CDH13: variants seen among roughly 807,000 people sequenced by gnomAD.
CDH13 encodes the protein cadherin-13.
In CDH13, 24 loss-of-function variants were observed where a neutral mutation model predicts 63.8. The ratio of observed to expected loss-of-function variants is 0.38; its 90% CI spans 0.27 to 0.53. The LOEUF (loss-of-function observed/expected upper bound fraction) is 0.53, where lower values mean the gene tolerates loss of function less well. CDH13 is among the 20% of genes least tolerant of loss of function. The probability of loss-of-function intolerance (pLI) is 0.85; values close to 1 mark genes in which losing one functional copy is unlikely to be tolerated. For synonymous variants in CDH13, 503 were observed against 355.3 expected (o/e 1.42, Z -4.67); for missense variants, 1,049 against 903.1 (o/e 1.16, Z -2.07).
At position 83,034,954 on chromosome 16, in the gene CDH13, G is replaced by A. The variant is rs181763504; in HGVS notation, c.366+2736G>A. ...GTTTTTGCTTCTTATAAAGGGGGCG[G>A]AGGCTGCCGTGTCCTTCAGTTTGCC... On this transcript the variant is annotated intron_variant, in intron 3 of 13. Transcript: ENST00000567109. Among the ~76,000 whole-genome samples, 19 of 152,248 alleles carry A rather than the reference G, an allele frequency of 1.2e-4. No individual in the cohort carries two copies. The East Asian group carries it at 3.5e-3, about 28-fold the overall frequency.
intron 1 of CDH13, among the ~76,000 whole-genome samples, chr16:82,724,135 A>G (rs973067521): frequency 6.6e-6 from 1 of 152,142 alleles, no homozygotes; most frequent in Non-Finnish European, 1.5e-5. Flanking sequence ...TGTGCAGGGT[A>G]AAGAGGTTTT....
intron 6 of CDH13, among the ~76,000 whole-genome samples, chr16:83,358,769 C>T (rs979384600): frequency 2.0e-5 from 3 of 152,082 alleles, no homozygotes; most frequent in African/African-American, 4.8e-5. Context: ...CAAAAATGGT[C>T]TTTGTCTCCT....
chr16:83,032,109 A>G lies in CDH13; in HGVS notation c.257A>G (p.Asn86Ser). The G allele has an allele frequency of 1.2e-6, 2 of 1,613,416 alleles. No homozygotes were observed. The highest frequency in any genetic ancestry group is 1.7e-6 in the Non-Finnish European group (2 of 1,179,706). ...NSDGGLVALR[N>S]ITAVGKTLFV... is the part of the protein sequence containing the mutation. Reference sequence around the variant, plus strand: ...GATGGCGGCTTAGTTGCTCTGAGAAACATAACTGCAGTGGGCAAAACTCTG... The same window carrying G: ...GATGGCGGCTTAGTTGCTCTGAGAAGCATAACTGCAGTGGGCAAAACTCTG... The change falls in exon 3 of 14, where the codon AAC (asparagine) becomes AGC (serine). Residue 86 changes from asparagine to serine, a missense_variant. Physicochemically the swap from Asn to Ser is conservative, Grantham distance 46 (BLOSUM62 1). Transcript: ENST00000567109.
chr16:83,660,292 C>T (rs1913319166), intron 8 of CDH13, among the ~76,000 whole-genome samples: 1 of 152,152 alleles, frequency 6.6e-6, no homozygotes, highest in Non-Finnish European at 1.5e-5. Flanking sequence ...AGCTTGTTTT[C>T]CTGCAACTAG....
intron 3 of CDH13, among the ~76,000 whole-genome samples, chr16:83,043,349 A>G (rs1331777828): frequency 6.6e-6 from 1 of 152,194 alleles, no homozygotes; most frequent in African/African-American, 2.4e-5. Context: ...TGAAAATTCT[A>G]AATTTTATTT....
intron 2 of CDH13, among the ~76,000 whole-genome samples, chr16:83,015,558 G>A (rs917158482): frequency 6.6e-6 from 1 of 150,698 alleles, no homozygotes; most frequent in African/African-American, 2.4e-5. Context: ...CAGCATCTTA[G>A]CATTTAACTG....
chr16:83,052,816 A>C (rs1028176924), intron 3 of CDH13, among the ~76,000 whole-genome samples: 25 of 151,078 alleles, frequency 1.7e-4, no homozygotes, highest in African/African-American at 6.1e-4. Flanking sequence ...AAAGAAATTA[A>C]ACCTTAAATA....
In CDH13 at chr16:83,527,062, C is replaced by T. The variant is rs975695942; in HGVS notation, c.960+40407C>T. On this transcript the variant is annotated intron_variant, in intron 7 of 13. Transcript: ENST00000567109. ...CAGGAGATCACTTGAACCCATGAGG[C>T]GGAGGCTGCTGTAAGCCGAGATTAT... Among the ~76,000 whole-genome samples, 38 of 151,724 alleles carry T rather than the reference C, an allele frequency of 2.5e-4. No homozygotes were observed. In the Middle Eastern group the frequency reaches 0.014, roughly 55 times the overall value.
At chr16:82,950,391 G>A (rs1333029671) in intron 2 of CDH13, among the ~76,000 whole-genome samples, 5 of 152,046 alleles carry the variant, frequency 3.3e-5, no homozygotes, top group African/African-American at 1.2e-4. Context: ...ATCTTGAATT[G>A]TAGCTCCCAT....
chr16:83,482,577 T>C (rs924651535), intron 6 of CDH13, among the ~76,000 whole-genome samples: 9 of 152,216 alleles, frequency 5.9e-5, no homozygotes, highest in Non-Finnish European at 1.2e-4. Context: ...AGGAGGTTTA[T>C]CCAGCCTTTG....
intron 4 of CDH13, among the ~76,000 whole-genome samples, chr16:83,161,728 C>T (rs2037454179): frequency 6.6e-6 from 1 of 152,052 alleles, no homozygotes; most frequent in African/African-American, 2.4e-5. Context: ...CTTGTCTTAC[C>T]CATCCGTCTC....
At chr16:82,697,569 C>T (rs1407051367) in intron 1 of CDH13, among the ~76,000 whole-genome samples, 1 of 151,488 alleles carries the variant, frequency 6.6e-6, no homozygotes, top group Non-Finnish European at 1.5e-5. Flanking sequence ...GCTGGGATTA[C>T]AGGTGCCCGC....
intron 6 of CDH13, chr16:83,397,272 C>G (rs1229856801): frequency 1.3e-5 from 2 of 152,180 alleles, no homozygotes; most frequent in Non-Finnish European, 1.5e-5. Flanking sequence ...CAAACCACCA[C>G]CACCATTATA....
At chr16:83,568,270 C>T (rs971540522) in intron 7 of CDH13, among the ~76,000 whole-genome samples, 5 of 152,094 alleles carry the variant, frequency 3.3e-5, no homozygotes, top group Admixed American at 1.3e-4. Context: ...ACGAGTTTGG[C>T]CTTTAAAAAT....
intron 2 of CDH13, chr16:82,990,369 C>T (rs1022028771): frequency 2.0e-5 from 3 of 152,202 alleles, no homozygotes; most frequent in African/African-American, 7.2e-5. Context: ...GGTTCCCACT[C>T]ATCTTGGCCT....
At chr16:83,339,754 T>C (rs1424504749) in intron 5 of CDH13, among the ~76,000 whole-genome samples, 7 of 152,118 alleles carry the variant, frequency 4.6e-5, no homozygotes, top group African/African-American at 1.7e-4. Context: ...CCAGTGCAGG[T>C]GGCATCTGGA....
At chr16:82,800,202 A>T (rs997753102) in intron 1 of CDH13, among the ~76,000 whole-genome samples, 4 of 152,200 alleles carry the variant, frequency 2.6e-5, no homozygotes, top group Admixed American at 2.6e-4. Flanking sequence ...GATTATGACA[A>T]AGGCCATATT....
intron 4 of CDH13, among the ~76,000 whole-genome samples, chr16:83,173,093 C>G (rs35659841): frequency 0.08 from 12,106 of 152,078 alleles, 624 homozygotes; most frequent in Non-Finnish European, 0.09. Context: ...AGCAGTTACC[C>G]TGTGCCAGGC....
At chr16:83,492,343 T>C (rs2074032779) in intron 7 of CDH13, among the ~76,000 whole-genome samples, 1 of 152,228 alleles carries the variant, frequency 6.6e-6, no homozygotes. Context: ...GTTTAAAACA[T>C]TGGCAGTAAT....
Sources: allele counts gnomAD v4.1 joint callset (sites outside exome capture counted in the v4.1 genomes callset), GRCh38; gene constraint gnomAD v4.1.1; transcripts MANE v1.5; gene names NCBI Gene and HGNC (gene_info 2026-07-23, HGNC 2026-07-21).